The following UNC79 variants were observed in gnomAD, a reference collection of about 807,000 sequenced individuals.
UNC79 encodes the protein protein unc-79 homolog.
Under a neutral mutation model 283.1 loss-of-function variants are expected in UNC79, and 37 were observed. That is an observed-to-expected ratio of 0.13 (90% confidence interval 0.10 to 0.17). The LOEUF (loss-of-function observed/expected upper bound fraction) is 0.17, where lower values mean the gene tolerates loss of function less well. Ranked by LOEUF, UNC79 falls within the 10% of genes least tolerant of loss-of-function variation. UNC79 has a pLI of 1.00. For missense variants in UNC79, 2,272 were observed against 3,211.1 expected, an observed-to-expected ratio of 0.71 and a Z score of 7.07; for synonymous variants, 1,107 against 1,200.2, an observed-to-expected ratio of 0.92 and a Z score of 1.61.
Position 93,621,972 on chromosome 14 carries a change from A to T in UNC79, c.4739A>T (p.Glu1580Val). Residue 1580 changes from glutamate (E) to valine (V), a missense_variant, in exon 30 of 49, where the codon GAG becomes GTG. Glu to Val is a moderately radical substitution (Grantham distance 121, BLOSUM62 -2). Coordinates refer to ENST00000555664, the Ensembl canonical transcript of UNC79. The surrounding 1 kb of genome is among the most constrained non-coding windows in gnomAD (Gnocchi z 4.8). ...GATGCTCGAAGGCCTGTCATACCAG[A>T]GGTTAGGTTAAACTGTATGGAGACT... The T allele has an allele frequency of 1.2e-6, 2 of 1,613,982 alleles. No homozygotes were observed. Among genetic ancestry groups the T allele is most frequent in the Non-Finnish European group, 1.7e-6 (2 of 1,179,988 alleles).
At chr14:93,664,198 C>G (rs1322814206) in intron 40 of UNC79, among the ~76,000 whole-genome samples, 2 of 152,110 alleles carry the variant, frequency 1.3e-5, no homozygotes, top group African/African-American at 4.8e-5. Context: ...TGAGCTGTCT[C>G]CCTTATATAA....
upstream of UNC79, among the ~76,000 whole-genome samples, chr14:93,429,124 A>G (rs1486547352): frequency 6.6e-6 from 1 of 152,218 alleles, no homozygotes; most frequent in Non-Finnish European, 1.5e-5. Context: ...AATTTTCTGA[A>G]TAACCCATTG....
At position 93,419,391 on chromosome 14, in the gene UNC79, A is replaced by T. The variant is rs978875966; in HGVS notation, c.-350-48280A>T. Among the ~76,000 whole-genome samples, 5 of 149,288 alleles carry T rather than the reference A, an allele frequency of 3.3e-5. 1 individual carries two copies. In the East Asian group the frequency reaches 1.0e-3, roughly 30 times the overall value. ...ACCATCTTGGCCAGGCTCATCTTGA[A>T]CTCCTGACCTCGTGATCCACCTGCC... On this transcript the variant is annotated intron_variant, in intron 1 of 49. Transcript: ENST00000256339.
chr14:93,335,477 A>G (rs2053558724), intron 1 of UNC79, among the ~76,000 whole-genome samples: 1 of 152,262 alleles, frequency 6.6e-6, no homozygotes, highest in Non-Finnish European at 1.5e-5. Context: ...CAGAGTGAAA[A>G]ACATTTTTTT....
At chr14:93,565,891 C>G (rs1034948831) in intron 14 of UNC79, among the ~76,000 whole-genome samples, 6 of 152,186 alleles carry the variant, frequency 3.9e-5, no homozygotes, top group Admixed American at 3.3e-4. Context: ...GCCAAGCCAC[C>G]ATTTCAACAT....
intron 35 of UNC79, among the ~76,000 whole-genome samples, chr14:93,650,040 A>G (rs888881356): frequency 1.3e-5 from 2 of 152,184 alleles, no homozygotes; most frequent in Non-Finnish European, 2.9e-5. Flanking sequence ...GATTTTGCCC[A>G]TTCTAGACTT....
chr14:93,585,652 C>T (rs571632368), intron 20 of UNC79, among the ~76,000 whole-genome samples: 1 of 152,298 alleles, frequency 6.6e-6, no homozygotes, highest in Admixed American at 6.5e-5. Context: ...GCACTAGTTT[C>T]TGCATCTGGT....
intron 35 of UNC79, among the ~76,000 whole-genome samples, chr14:93,652,115 T>C (rs572478217): frequency 1.3e-5 from 2 of 152,056 alleles, no homozygotes; most frequent in Non-Finnish European, 2.9e-5. Context: ...AGTGTAATCA[T>C]AGAGATGGGA....
chr14:93,473,519 A>G (rs1320416027), intron 2 of UNC79, among the ~76,000 whole-genome samples: 1 of 152,228 alleles, frequency 6.6e-6, no homozygotes, highest in Non-Finnish European at 1.5e-5. Context: ...GTCATGAAAC[A>G]GTATCATAAT....
At chr14:93,581,787 C>T (rs1453258128) in intron 19 of UNC79, among the ~76,000 whole-genome samples, 3 of 152,022 alleles carry the variant, frequency 2.0e-5, no homozygotes, top group Non-Finnish European at 4.4e-5. Flanking sequence ...CCACCATGCC[C>T]GGCCATTTGC....
chr14:93,489,842 T>C (rs1326482310), intron 5 of UNC79, among the ~76,000 whole-genome samples: 2 of 152,204 alleles, frequency 1.3e-5, no homozygotes, highest in Non-Finnish European at 2.9e-5. Context: ...ACAGTGATCC[T>C]GGCCCCCACA....
intron 7 of UNC79, among the ~76,000 whole-genome samples, chr14:93,500,034 G>A (rs1422011764): frequency 4.6e-5 from 7 of 152,094 alleles, no homozygotes; most frequent in Non-Finnish European, 8.8e-5. Flanking sequence ...ATAGGCCTGG[G>A]AAGGAGTTTG....
At chr14:93,506,929 T>G (rs919356911) in intron 7 of UNC79, among the ~76,000 whole-genome samples, 3 of 152,220 alleles carry the variant, frequency 2.0e-5, no homozygotes, top group African/African-American at 7.2e-5. Flanking sequence ...TCTCTCATTC[T>G]GAAGTGATCA....
At chr14:93,456,267 A>C (rs1198360968) in intron 1 of UNC79, among the ~76,000 whole-genome samples, 1 of 152,136 alleles carries the variant, frequency 6.6e-6, no homozygotes, top group Admixed American at 6.5e-5. Context: ...GTTAATGTTG[A>C]GTATGATAAT....
intron 11 of UNC79, among the ~76,000 whole-genome samples, chr14:93,536,572 T>C (rs2061085792): frequency 6.6e-6 from 1 of 152,226 alleles, no homozygotes; most frequent in Non-Finnish European, 1.5e-5. Context: ...ATTAAAAACA[T>C]GGGCTCTTAT....
At chr14:93,653,126 G>A (rs2070479438) in intron 35 of UNC79, among the ~76,000 whole-genome samples, 1 of 151,926 alleles carries the variant, frequency 6.6e-6, no homozygotes, top group East Asian at 1.9e-4. Flanking sequence ...ACTACATCAA[G>A]AAGCATCCTT....
chr14:93,357,733 GTA>G lies in UNC79; in HGVS notation c.-351+24222_-351+24223del, dbSNP rs1178702694. 1.4e-3 allele frequency among the ~76,000 whole-genome samples: 114 copies of G among 82,914 alleles called. 1 individual carries two copies. Among genetic ancestry groups the G allele is most frequent in the African/African-American group, 5.2e-3 (88 of 16,888 alleles). 54.4% of individuals were successfully genotyped at this position (82,914 alleles called of 152,430 possible). A position where few individuals can be genotyped will look rare whatever the true frequency, so the allele number is the denominator to read the frequency against. On this transcript the variant is annotated intron_variant, in intron 1 of 49. Coordinates refer to the UNC79 transcript ENST00000256339. ...TATATATATATATGGATATATGGAT[GTA>G]TATATATATATGGATATATGGATAT...
intron 1 of UNC79, among the ~76,000 whole-genome samples, chr14:93,410,048 G>A (rs1350628403): frequency 6.6e-6 from 1 of 152,146 alleles, no homozygotes; most frequent in African/African-American, 2.4e-5. Flanking sequence ...CACTGAAAGG[G>A]GCATTGAAGA....
In UNC79 at chr14:93,430,485, AAGC is replaced by A. The variant is rs1455901778; in HGVS notation, c.-544_-542del. On this transcript the variant is annotated 5_prime_UTR_variant, in exon 1 of 49. Coordinates refer to ENST00000555664, the Ensembl canonical transcript of UNC79. The surrounding 1 kb of genome is among the most constrained non-coding windows in gnomAD (Gnocchi z 4.6). Reference sequence around the variant, plus strand: ...CTCCTTCCTCCCCGAGGTTGAGACGAAGCGTGGGACGCACCTGGGTCCCTCTCT... The same window carrying A: ...CTCCTTCCTCCCCGAGGTTGAGACGAGTGGGACGCACCTGGGTCCCTCTCT... 2 of 152,416 alleles carry A rather than the reference AAGC, an allele frequency of 1.3e-5. No homozygotes were observed. The highest frequency in any genetic ancestry group is 2.9e-5 in the Non-Finnish European group (2 of 68,252). The allele number at this position is 152,416 out of a possible 1,614,324, so 9.4% of individuals were successfully genotyped here. A position where few individuals can be genotyped will look rare whatever the true frequency, so the allele number is the denominator to read the frequency against.
Sources: allele counts gnomAD v4.1 joint callset (sites outside exome capture counted in the v4.1 genomes callset), GRCh38; gene constraint gnomAD v4.1.1; non-coding constraint Gnocchi (gnomAD v3.1); transcripts MANE v1.5; gene names NCBI Gene and HGNC (gene_info 2026-07-23, HGNC 2026-07-21).